Variants in CPNE4 observed in about 807,000 individuals in gnomAD.
The protein encoded by CPNE4 is copine-4.
A neutral mutation model predicts 67.9 loss-of-function variants in CPNE4; 25 were observed. The ratio of observed to expected loss-of-function variants is 0.37; its 90% confidence interval spans 0.27 to 0.51. The LOEUF is 0.51. Among genes scored for constraint, CPNE4 ranks in the 20% least tolerant of loss-of-function variants. CPNE4 has a pLI of 0.93. For synonymous variants in CPNE4, 242 were observed against 244.9 expected, an observed-to-expected ratio of 0.99 and a Z score of 0.11; for missense variants, 464 against 690.8, an observed-to-expected ratio of 0.67 and a Z score of 3.68.
chr3:131,981,945 A>C (rs2072920004), intron 1 of CPNE4, among the ~76,000 whole-genome samples: 1 of 152,148 alleles, frequency 6.6e-6, no homozygotes, highest in Admixed American at 6.5e-5. Context: ...CAGGTCCTGC[A>C]GGAGCAGACC....
At chr3:132,031,032 A>G (rs776835015) in intron 1 of CPNE4, among the ~76,000 whole-genome samples, 1 of 152,222 alleles carries the variant, frequency 6.6e-6, no homozygotes, top group Non-Finnish European at 1.5e-5. Flanking sequence ...CTAAATTATT[A>G]TCATAATGTG....
rs755895556 is a variant in CPNE4, at chr3:131,555,562, A to G, written c.1062-11T>C. The G allele has an allele frequency of 6.2e-7, 1 of 1,611,492 alleles. No homozygotes were observed. The highest frequency in any genetic ancestry group is 1.7e-5 in the Admixed American group (1 of 59,790). ...GGGAACATTTTGTCACTGAAACCAA[A>G]ATGAAGAAAAGAAAAAACAAGAAGT... On this transcript the variant is annotated splice_polypyrimidine_tract_variant and intron_variant, in intron 11 of 15. Coordinates refer to ENST00000429747, the MANE Select transcript of CPNE4 (RefSeq NM_130808.3).
At chr3:131,955,571 C>G (rs2071940323) in intron 1 of CPNE4, among the ~76,000 whole-genome samples, 1 of 151,722 alleles carries the variant, frequency 6.6e-6, no homozygotes, top group Admixed American at 6.6e-5. Flanking sequence ...GAGTAGCTAC[C>G]AAGTTGCCAA....
chr3:131,811,353 T>C (rs777518550), intron 2 of CPNE4, among the ~76,000 whole-genome samples: 18 of 152,108 alleles, frequency 1.2e-4, no homozygotes, highest in Non-Finnish European at 2.1e-4. Flanking sequence ...TTTTTATATG[T>C]AAATTGTATC....
chr3:132,017,894 T>C (rs1275791519), intron 1 of CPNE4: 1 of 152,332 alleles, frequency 6.6e-6, no homozygotes, highest in Non-Finnish European at 1.5e-5. Flanking sequence ...GGAGAATCTT[T>C]GAGGATACTC....
At chr3:131,656,208 T>C (rs1328906314) in intron 7 of CPNE4, among the ~76,000 whole-genome samples, 1 of 151,848 alleles carries the variant, frequency 6.6e-6, no homozygotes. Context: ...TGTTTAAATT[T>C]AAGGAAAAAA....
chr3:131,948,719 G>A (rs1301845034), intron 1 of CPNE4, among the ~76,000 whole-genome samples: 1 of 152,198 alleles, frequency 6.6e-6, no homozygotes, highest in Non-Finnish European at 1.5e-5. Flanking sequence ...ATCATGTTGA[G>A]AAGGTCACTT....
At chr3:131,731,544 C>T (rs1198868017) in intron 2 of CPNE4, among the ~76,000 whole-genome samples, 1 of 152,050 alleles carries the variant, frequency 6.6e-6, no homozygotes, top group Non-Finnish European at 1.5e-5. Context: ...GTTCCTTTTC[C>T]CCAGTGTGAG....
At chr3:131,882,046 C>T (rs114841205) in intron 2 of CPNE4, among the ~76,000 whole-genome samples, 136 of 152,192 alleles carry the variant, frequency 8.9e-4, no homozygotes, top group Middle Eastern at 3.4e-3. Context: ...TTCTCTTCCT[C>T]TCTTTAAATA....
In CPNE4 at chr3:131,990,951, T is replaced by G. The variant is rs1255729409; in HGVS notation, c.-2+43616A>C. On this transcript the variant is annotated intron_variant, in intron 1 of 15. Transcript: ENST00000429747. ...TGGTTTTATAAGGGGCTTTCCCCCC[T>G]TTGTTCAGCACTTCTCCTTTCTGCT... 1.5e-5 allele frequency among the ~76,000 whole-genome samples: 2 copies of G among 136,428 alleles called. 1 individual carries two copies. Among genetic ancestry groups the G allele is most frequent in the Non-Finnish European group, 3.3e-5 (2 of 60,056 alleles). The allele number at this position is 136,428 out of a possible 152,430, so 89.5% of individuals were successfully genotyped here.
At position 131,601,715 on chromosome 3, in the gene CPNE4, G is replaced by A. The variant is rs528270286; in HGVS notation, c.682-14133C>T. 1.5e-4 allele frequency among the ~76,000 whole-genome samples: 23 copies of A among 152,274 alleles called. No individual in the cohort carries two copies. In the South Asian group the frequency reaches 4.4e-3, roughly 29 times the overall value. ...TACTCTCTTGTTTACATGATAGCCT[G>A]CACAGAATTGGAATGTAATCTGTCC... On this transcript the variant is annotated intron_variant, in intron 7 of 15. Coordinates refer to ENST00000429747, the MANE Select transcript of CPNE4 (RefSeq NM_130808.3).
chr3:131,799,751 C>T (rs1265708664), intron 2 of CPNE4, among the ~76,000 whole-genome samples: 2 of 152,076 alleles, frequency 1.3e-5, no homozygotes, highest in Non-Finnish European at 2.9e-5. Flanking sequence ...ATTCAGTGGC[C>T]TCCATGTGCA....
intron 2 of CPNE4, among the ~76,000 whole-genome samples, chr3:131,887,869 T>C (rs1214163738): frequency 6.6e-6 from 1 of 152,194 alleles, no homozygotes; most frequent in East Asian, 1.9e-4. Flanking sequence ...GGTTTAACTA[T>C]GTGGCAAAAA....
chr3:131,557,976 G>A (rs1936555018), intron 11 of CPNE4, among the ~76,000 whole-genome samples: 1 of 151,924 alleles, frequency 6.6e-6, no homozygotes, highest in African/African-American at 2.4e-5. Context: ...AGTTGAGGAG[G>A]GGTAAGCTCT....
intron 1 of CPNE4, among the ~76,000 whole-genome samples, chr3:131,908,735 T>C (rs1448552768): frequency 2.0e-5 from 3 of 152,172 alleles, no homozygotes; most frequent in Non-Finnish European, 2.9e-5. Flanking sequence ...ATATCAGTCT[T>C]GATTGTGAGG....
At chr3:131,570,840 AG>A (rs1323270212) in intron 10 of CPNE4, among the ~76,000 whole-genome samples, 1 of 152,064 alleles carries the variant, frequency 6.6e-6, no homozygotes, top group Admixed American at 6.6e-5. Flanking sequence ...TTGACTGTCT[AG>A]GGCTCTTTTT....
chr3:131,539,946 C>T (rs1181347662), intron 15 of CPNE4, among the ~76,000 whole-genome samples: 2 of 152,192 alleles, frequency 1.3e-5, no homozygotes, highest in Non-Finnish European at 2.9e-5. Context: ...CAAATTTAGC[C>T]TGCTCTAGCT....
At chr3:131,873,031 G>A (rs1451757123) in intron 2 of CPNE4, among the ~76,000 whole-genome samples, 2 of 152,148 alleles carry the variant, frequency 1.3e-5, no homozygotes, top group Non-Finnish European at 2.9e-5. Flanking sequence ...GTAAAGTTTT[G>A]CACGGTAATA....
At chr3:131,721,652 C>T (rs778894196) in intron 3 of CPNE4, among the ~76,000 whole-genome samples, 9 of 152,046 alleles carry the variant, frequency 5.9e-5, no homozygotes, top group Non-Finnish European at 1.0e-4. Flanking sequence ...TCCTTGGCTT[C>T]CCAAAGTGCT....
Sources: allele counts gnomAD v4.1 joint callset (sites outside exome capture counted in the v4.1 genomes callset), GRCh38; gene constraint gnomAD v4.1.1; transcripts MANE v1.5; gene names NCBI Gene and HGNC (gene_info 2026-07-23, HGNC 2026-07-21).